The following DEGS2 variants were observed in gnomAD, a reference collection of about 807,000 sequenced individuals.
DEGS2 encodes sphingolipid delta(4)-desaturase/C4-monooxygenase DES2.
In DEGS2, 19 loss-of-function variants were observed where a neutral mutation model predicts 23.8. The observed-to-expected ratio is 0.80, with a 90% CI of 0.56 to 1.17. The LOEUF is 1.17. Ranked by LOEUF, DEGS2 falls within the 50% of genes most tolerant of loss-of-function variation. DEGS2 has a pLI of 0.00. For synonymous variants in DEGS2, 218 were observed against 213.7 expected (o/e 1.02, Z -0.18); for missense variants, 390 against 459.5 (o/e 0.85, Z 1.38).
At position 100,146,665 on chromosome 14, in the gene DEGS2, C is replaced by G; in HGVS notation, c.*96G>C. The G allele has an allele frequency of 6.5e-7, 1 of 1,528,298 alleles. No individual in the cohort carries two copies. The highest frequency in any genetic ancestry group is 1.9e-5 in the Admixed American group (1 of 52,454). 94.7% of individuals were successfully genotyped at this position (1,528,298 alleles called of 1,614,324 possible). On this transcript the variant is annotated 3_prime_UTR_variant, in exon 3 of 3. Transcript: ENST00000305631. ...ACTCCTCGGGGACAAGGGCAGCAGTCCAGAGCACAGGAAGGAAATGTAGCT... is the reference window on the plus strand; with the variant it reads ...ACTCCTCGGGGACAAGGGCAGCAGTGCAGAGCACAGGAAGGAAATGTAGCT...
At chr14:100,149,836 T>A in intron 1 of DEGS2, 126 bp from the exon 2 acceptor site, 2 of 1,007,772 alleles carry the variant, frequency 2.0e-6, no homozygotes, top group Non-Finnish European at 2.9e-6. Context: ...CTGGTCCCTT[T>A]GCCCCTGCAC....
Position 100,144,160 on chromosome 14 carries a change from C to A in DEGS2, c.*2601G>T, listed in dbSNP as rs938832001. 2.9e-5 allele frequency: 6 copies of A among 204,142 alleles called. No individual in the cohort carries two copies. The East Asian group carries it at 7.9e-4, about 27-fold the overall frequency. 12.6% of individuals were successfully genotyped at this position (204,142 alleles called of 1,614,324 possible). A position where few individuals can be genotyped will look rare whatever the true frequency, so the allele number is the denominator to read the frequency against. On this transcript the variant is annotated 3_prime_UTR_variant, in exon 3 of 3. Transcript: ENST00000305631. ...TGTCCAGGCACAGCTCCGTCCCCAG[C>A]GCTCATGGTGTTGAAACTGTCTGTC... is the stretch of plus-strand genomic sequence containing the variant.
intron 2 of DEGS2, among the ~76,000 whole-genome samples, 194 bp from the exon 3 acceptor site, chr14:100,147,101 A>C (rs1384377274): frequency 1.3e-5 from 2 of 152,186 alleles, no homozygotes; most frequent in African/African-American, 4.8e-5. Context: ...TGGGGTGCCC[A>C]TGTCCAGCTT....
chr14:100,150,399 C>T, intron 1 of DEGS2, among the ~76,000 whole-genome samples: 1 of 149,446 alleles, frequency 6.7e-6, no homozygotes, highest in Admixed American at 6.6e-5. Flanking sequence ...CCCCCCCCGC[C>T]CCGCCCCCAT....
chr14:100,148,269 C>T (rs1016463375), intron 2 of DEGS2, among the ~76,000 whole-genome samples: 3 of 152,252 alleles, frequency 2.0e-5, no homozygotes, highest in African/African-American at 7.2e-5. Flanking sequence ...CACACAGACA[C>T]GTGCACACCC....
chr14:100,166,381 A>AG, the DEGS2 span, among the ~76,000 whole-genome samples: 1 of 140,236 alleles, frequency 7.1e-6, no homozygotes, highest in South Asian at 2.3e-4. Context: ...GCTGTGGGGG[A>AG]GGCTGCTCTT....
chr14:100,150,886 CGGCCCCAGCTATG>C (rs373680989), intron 1 of DEGS2, among the ~76,000 whole-genome samples: 19 of 152,296 alleles, frequency 1.2e-4, no homozygotes, highest in African/African-American at 4.6e-4. Context: ...GCCCCTCACC[CGGCCCCAGCTATG>C]GGCTGGTCCT....
chr14:100,157,402 AC>A, intron 1 of DEGS2, among the ~76,000 whole-genome samples: 1 of 152,278 alleles, frequency 6.6e-6, no homozygotes, highest in Middle Eastern at 3.4e-3. Flanking sequence ...AGGGGAGGGG[AC>A]AGAAATGCAA....
In DEGS2 at chr14:100,149,631, C is replaced by T; in HGVS notation, c.162G>A (p.Gln54=). The T allele has an allele frequency of 6.2e-7, 1 of 1,612,152 alleles. No individual in the cohort carries two copies. The highest frequency in any genetic ancestry group is 8.5e-7 in the Non-Finnish European group (1 of 1,179,666). The part of the protein sequence containing the change: ...KWAVLVLVLV[Q]MLACWLVRGL... ...CGCGCACCAGCCAGCAGGCCAGCATCTGCACCAGCACCAGCACCAGCACCG... is the reference window on the plus strand; with the variant it reads ...CGCGCACCAGCCAGCAGGCCAGCATTTGCACCAGCACCAGCACCAGCACCG... The change falls in exon 2 of 3, where the codon CAG becomes CAA. Residue 54 remains glutamine (Q), a synonymous_variant. Transcript: ENST00000305631.
At chr14:100,166,640 G>A in the DEGS2 span, among the ~76,000 whole-genome samples, 1 of 152,054 alleles carries the variant, frequency 6.6e-6, no homozygotes, top group Non-Finnish European at 1.5e-5. Context: ...CAAAAATACC[G>A]ACAGGGTCAT....
At chr14:100,159,431 G>T in intron 1 of DEGS2, 75 bp downstream of exon 1, 2 of 1,216,438 alleles carry the variant, frequency 1.6e-6, no homozygotes, top group Non-Finnish European at 2.2e-6. Context: ...GCCCGTCTGG[G>T]CTCGACCCCA....
chr14:100,159,672 G>T, upstream of DEGS2: 6 of 285,072 alleles, frequency 2.1e-5, no homozygotes, highest in Non-Finnish European at 3.5e-5. Context: ...AACCAGCTCT[G>T]ATTAGGGCGG....
chr14:100,153,728 A>G (rs547399895), intron 1 of DEGS2, among the ~76,000 whole-genome samples: 83 of 152,370 alleles, frequency 5.4e-4, no homozygotes, highest in African/African-American at 1.9e-3. Context: ...GGGGCAGCAC[A>G]GAGCCCGACG....
upstream of DEGS2, among the ~76,000 whole-genome samples, chr14:100,164,099 C>A (rs894074948): frequency 3.3e-5 from 5 of 151,932 alleles, no homozygotes; most frequent in African/African-American, 1.2e-4. Context: ...GCCTGTGGTC[C>A]CAGGCGCGAT....
chr14:100,155,146 G>T (rs562237283), intron 1 of DEGS2, among the ~76,000 whole-genome samples: 1 of 152,076 alleles, frequency 6.6e-6, no homozygotes, highest in African/African-American at 2.4e-5. Flanking sequence ...CACCTCTGCC[G>T]CCACCTGCTT....
chr14:100,146,260 C>T lies in DEGS2; in HGVS notation c.*501G>A, dbSNP rs1889443155. The T allele has an allele frequency of 6.3e-6, 1 of 159,150 alleles. No individual in the cohort carries two copies. The highest frequency in any genetic ancestry group is 1.4e-5 in the Non-Finnish European group (1 of 72,958). 9.9% of individuals were successfully genotyped at this position (159,150 alleles called of 1,614,324 possible). A position where few individuals can be genotyped will look rare whatever the true frequency, so the allele number is the denominator to read the frequency against. Reference sequence around the variant, plus strand: ...AGGGAGCACTGCCAGCAGCAGCCACCGTCCCACAAAGAGCCAGGAGTGCAT... The same window carrying T: ...AGGGAGCACTGCCAGCAGCAGCCACTGTCCCACAAAGAGCCAGGAGTGCAT... On this transcript the variant is annotated 3_prime_UTR_variant, in exon 3 of 3. Transcript: ENST00000305631.
upstream of DEGS2, among the ~76,000 whole-genome samples, chr14:100,163,518 T>C (rs1338767091): frequency 6.6e-6 from 1 of 152,040 alleles, no homozygotes; most frequent in East Asian, 1.9e-4. Flanking sequence ...AATCGAGACA[T>C]GAGGACAGTT....
At position 100,145,193 on chromosome 14, in the gene DEGS2, G is replaced by A. The variant is rs1889417892; in HGVS notation, c.*1568C>T. ...TGACCCTGGGCCTGGCCTTCAGTTT[G>A]TGGGTGAGGCCTGGACATGCCCCTT... On this transcript the variant is annotated 3_prime_UTR_variant, in exon 3 of 3. Coordinates refer to ENST00000305631, the MANE Select transcript of DEGS2 (RefSeq NM_206918.3). 1 of 152,424 alleles carries A rather than the reference G, an allele frequency of 6.6e-6. No individual in the cohort carries two copies. Among genetic ancestry groups the A allele is most frequent in the African/African-American group, 2.4e-5 (1 of 41,464 alleles). The allele number at this position is 152,424 out of a possible 1,614,324, so 9.4% of individuals were successfully genotyped here. A position where few individuals can be genotyped will look rare whatever the true frequency, so the allele number is the denominator to read the frequency against.
At chr14:100,156,363 G>T (rs1889658250) in intron 1 of DEGS2, among the ~76,000 whole-genome samples, 1 of 152,244 alleles carries the variant, frequency 6.6e-6, no homozygotes, top group Admixed American at 6.5e-5. Context: ...GAAGCAGAGA[G>T]TATTCCCTGT....
Sources: gnomAD v4.1 joint callset for allele counts (sites outside exome capture counted in the v4.1 genomes callset) on GRCh38, gnomAD v4.1.1 for gene constraint, MANE v1.5 for transcripts, NCBI Gene and HGNC (gene_info 2026-07-23, HGNC 2026-07-21) for gene names.